Variants in FIGN observed in about 807,000 individuals in gnomAD.
FIGN encodes fidgetin, microtubule severing factor, also known as fidgetin.
In FIGN, 11 loss-of-function variants were observed where a neutral mutation model predicts 51.3. That is an observed-to-expected ratio of 0.21 (90% CI 0.13 to 0.35). The LOEUF (loss-of-function observed/expected upper bound fraction) is 0.35, where lower values mean the gene tolerates loss of function less well. Among genes scored for constraint, FIGN ranks in the 10% least tolerant of loss-of-function variants. The pLI, the probability that FIGN is intolerant of heterozygous loss-of-function variation, is 1.00. For synonymous variants in FIGN, 407 were observed against 363.2 expected (o/e 1.12, Z -1.37); for missense variants, 857 against 943.6 (o/e 0.91, Z 1.20).
rs182880008 is a variant in FIGN, at chr2:163,673,265, C to T, written c.26-61459G>A. ...ATTTCTTCAAATGGAAACATACTTG[C>T]GAGACACTGGGTCCCTGAGGGAAGA... is the stretch of plus-strand genomic sequence containing the variant. On this transcript the variant is annotated intron_variant, in intron 2 of 2. Transcript: ENST00000333129. 2.8e-3 allele frequency among the ~76,000 whole-genome samples: 425 copies of T among 152,062 alleles called. 1 individual carries two copies. The highest frequency in any genetic ancestry group is 4.3e-3 in the Non-Finnish European group (292 of 67,978).
At chr2:163,704,219 G>C (rs1394633720) in intron 2 of FIGN, among the ~76,000 whole-genome samples, 1 of 152,066 alleles carries the variant, frequency 6.6e-6, no homozygotes, top group African/African-American at 2.4e-5. Flanking sequence ...ATAATACTTA[G>C]CATTTAGATA....
chr2:163,663,572 G>T (rs1429130288), intron 2 of FIGN, among the ~76,000 whole-genome samples: 2 of 151,660 alleles, frequency 1.3e-5, no homozygotes, highest in African/African-American at 4.8e-5. Context: ...AACCTCAGGT[G>T]ATCTGCAGTT....
chr2:163,731,296 T>C (rs888201397), intron 2 of FIGN, among the ~76,000 whole-genome samples: 2 of 152,142 alleles, frequency 1.3e-5, no homozygotes, highest in Non-Finnish European at 2.9e-5. Flanking sequence ...ATAATGAAAT[T>C]ACCCATTTAT....
chr2:163,634,397 T>A (rs750489028), intron 2 of FIGN, among the ~76,000 whole-genome samples: 111 of 152,282 alleles, frequency 7.3e-4, no homozygotes, highest in Non-Finnish European at 1.3e-3. Context: ...TAACTTAGAC[T>A]TTCTCATACT....
chr2:163,616,905 A>T (rs965690125), intron 2 of FIGN, among the ~76,000 whole-genome samples: 1 of 152,158 alleles, frequency 6.6e-6, no homozygotes. Context: ...TTGGCTAAAA[A>T]TACAGGTCTA....
chr2:163,665,864 C>T (rs907096226), intron 2 of FIGN, among the ~76,000 whole-genome samples: 25 of 152,088 alleles, frequency 1.6e-4, no homozygotes, highest in African/African-American at 5.8e-4. Flanking sequence ...CCTCTCTATG[C>T]CTTGCTCTCT....
chr2:163,630,327 T>G (rs554101521), intron 2 of FIGN, among the ~76,000 whole-genome samples: 2 of 152,108 alleles, frequency 1.3e-5, no homozygotes, highest in Non-Finnish European at 2.9e-5. Flanking sequence ...TAGAATCCAT[T>G]TGTTTTCTGG....
At chr2:163,700,380 G>A (rs1435539915) in intron 2 of FIGN, among the ~76,000 whole-genome samples, 3 of 152,082 alleles carry the variant, frequency 2.0e-5, no homozygotes, top group Admixed American at 6.6e-5. Flanking sequence ...ACTTGAAGAA[G>A]AGAAAGAAGG....
chr2:163,634,930 A>G (rs972774767), intron 2 of FIGN, among the ~76,000 whole-genome samples: 1 of 152,224 alleles, frequency 6.6e-6, no homozygotes, highest in Non-Finnish European at 1.5e-5. Flanking sequence ...TGTATTTTAC[A>G]TAGAGTATGT....
intron 2 of FIGN, among the ~76,000 whole-genome samples, chr2:163,641,927 C>T (rs1040015317): frequency 2.0e-5 from 3 of 152,170 alleles, no homozygotes; most frequent in Non-Finnish European, 2.9e-5. Flanking sequence ...ACCACTCAAG[C>T]TCCAAAGATT....
intron 2 of FIGN, among the ~76,000 whole-genome samples, chr2:163,613,401 C>T (rs1161155591): frequency 1.3e-5 from 2 of 152,112 alleles, no homozygotes; most frequent in Admixed American, 6.5e-5. Flanking sequence ...TTACTACAGT[C>T]TATTTTGTCA....
chr2:163,653,986 G>A (rs746792643), intron 2 of FIGN, among the ~76,000 whole-genome samples: 1 of 151,642 alleles, frequency 6.6e-6, no homozygotes, highest in African/African-American at 2.4e-5. Context: ...TGCTAAACTG[G>A]AGCAAAGCGC....
At chr2:163,732,791 G>A (rs751308482) in intron 2 of FIGN, among the ~76,000 whole-genome samples, 16 of 152,040 alleles carry the variant, frequency 1.1e-4, no homozygotes, top group East Asian at 1.9e-4. Context: ...CTTCCACCTC[G>A]GACCTAACTT....
chr2:163,683,992 T>G (rs1416114467), intron 2 of FIGN, among the ~76,000 whole-genome samples: 1 of 152,192 alleles, frequency 6.6e-6, no homozygotes, highest in Non-Finnish European at 1.5e-5. Context: ...CTCTATGGGA[T>G]TTGCAAAGAA....
chr2:163,676,966 A>T (rs1195763224), intron 2 of FIGN, among the ~76,000 whole-genome samples: 1 of 152,218 alleles, frequency 6.6e-6, no homozygotes, highest in Non-Finnish European at 1.5e-5. Flanking sequence ...AAGGGATAAT[A>T]TATTTCAATG....
intron 2 of FIGN, among the ~76,000 whole-genome samples, chr2:163,725,464 T>G (rs1288405944): frequency 6.6e-6 from 1 of 152,098 alleles, no homozygotes; most frequent in Non-Finnish European, 1.5e-5. Flanking sequence ...TGTATTTAAG[T>G]ATACATGTGC....
chr2:163,622,332 C>CA (rs994975160), intron 2 of FIGN, among the ~76,000 whole-genome samples: 165 of 151,560 alleles, frequency 1.1e-3, no homozygotes, highest in African/African-American at 3.7e-3. Flanking sequence ...AAGACTGTCT[C>CA]AAAAAAAATT....
intron 2 of FIGN, among the ~76,000 whole-genome samples, chr2:163,699,477 G>T (rs988626816): frequency 7.0e-6 from 1 of 142,106 alleles, no homozygotes; most frequent in Non-Finnish European, 1.5e-5. Flanking sequence ...ACAATTTTAG[G>T]TTAGTGTATT....
chr2:163,668,025 C>T (rs780635151), intron 2 of FIGN, among the ~76,000 whole-genome samples: 4 of 144,448 alleles, frequency 2.8e-5, no homozygotes, highest in Non-Finnish European at 6.1e-5. Flanking sequence ...CCCCCCCCCC[C>T]AAAAAACCCT....
Sources: gnomAD v4.1 joint callset for allele counts (sites outside exome capture counted in the v4.1 genomes callset) on GRCh38, gnomAD v4.1.1 for gene constraint, MANE v1.5 for transcripts, NCBI Gene and HGNC (gene_info 2026-07-23, HGNC 2026-07-21) for gene names.